Variants in PRAG1 observed in about 807,000 individuals in gnomAD.
PRAG1 encodes the protein PEAK1 related, kinase-activating pseudokinase 1, also known as inactive tyrosine-protein kinase PRAG1.
A neutral mutation model predicts 95.6 loss-of-function variants in PRAG1; 110 were observed. The ratio of observed to expected loss-of-function variants is 1.15; its 90% CI spans 0.99 to 1.35. The LOEUF is 1.35. Ranked by LOEUF, PRAG1 falls within the 40% of genes most tolerant of loss-of-function variation. PRAG1 has a pLI of 0.00. For synonymous variants in PRAG1, 1,052 were observed against 819.4 expected, an observed-to-expected ratio of 1.28 and a Z score of -4.85; for missense variants, 2,554 against 1,864.7, an observed-to-expected ratio of 1.37 and a Z score of -6.81.
chr8:8,341,689 G>T (rs1799167736), intron 3 of PRAG1, among the ~76,000 whole-genome samples: 1 of 152,134 alleles, frequency 6.6e-6, no homozygotes, highest in African/African-American at 2.4e-5. Context: ...TGCACATGTT[G>T]TATGAACTTA....
chr8:8,330,835 G>C (rs1250991564), intron 4 of PRAG1, among the ~76,000 whole-genome samples: 1 of 152,264 alleles, frequency 6.6e-6, no homozygotes, highest in Non-Finnish European at 1.5e-5. Flanking sequence ...AAGAGGCTGA[G>C]AGCAGGAGGA....
intron 4 of PRAG1, among the ~76,000 whole-genome samples, chr8:8,334,335 G>C (rs1798918402): frequency 6.6e-6 from 1 of 151,638 alleles, no homozygotes; most frequent in Admixed American, 6.6e-5. Context: ...TACTCAGAAG[G>C]CTGAGGCACA....
intron 5 of PRAG1, among the ~76,000 whole-genome samples, chr8:8,322,380 C>A (rs1798500671): frequency 6.6e-6 from 1 of 152,114 alleles, no homozygotes; most frequent in African/African-American, 2.4e-5. Context: ...CAGGGTTTCA[C>A]CATGTTGCCC....
intron 1 of PRAG1, among the ~76,000 whole-genome samples, chr8:8,385,210 G>C (rs1389623527): frequency 1.3e-5 from 2 of 152,192 alleles, no homozygotes; most frequent in Non-Finnish European, 2.9e-5. Context: ...TGTGTGGAAA[G>C]TGTCTGAACT....
chr8:8,344,085 T>C (rs1446718067), intron 3 of PRAG1, among the ~76,000 whole-genome samples: 5 of 152,352 alleles, frequency 3.3e-5, no homozygotes, highest in Admixed American at 1.3e-4. Context: ...ATGCATTTTA[T>C]ATTTACTCAC....
In PRAG1 at chr8:8,323,477, C is replaced by A. The variant is rs545131219; in HGVS notation, c.3073-4175G>T. On this transcript the variant is annotated intron_variant, in intron 5 of 5. Coordinates refer to ENST00000615670, the MANE Select transcript of PRAG1 (RefSeq NM_001080826.3). ...GGATTACAGGTGCCTACCACCACAC[C>A]TGACTAATTTTTGTATTGTTCATTT... 1.2e-4 allele frequency among the ~76,000 whole-genome samples: 18 copies of A among 152,234 alleles called. No homozygotes were observed. The South Asian group carries it at 3.5e-3, about 30-fold the overall frequency.
intron 3 of PRAG1, among the ~76,000 whole-genome samples, chr8:8,369,440 A>G (rs184920493): frequency 3.9e-5 from 6 of 152,318 alleles, no homozygotes; most frequent in Non-Finnish European, 8.8e-5. Context: ...ATCTGGTTTT[A>G]GGATACACTG....
chr8:8,378,159 G>A, intron 2 of PRAG1, 81 bp from the exon 3 acceptor site: 1 of 1,454,792 alleles, frequency 6.9e-7, no homozygotes, highest in South Asian at 1.4e-5. Flanking sequence ...GAGAGGGAAG[G>A]GCAACGATAC....
At position 8,377,153 on chromosome 8, in the gene PRAG1, C is replaced by T; in HGVS notation, c.1256G>A (p.Arg419Lys). 10 of 1,612,106 alleles carry T rather than the reference C, an allele frequency of 6.2e-6. No individual in the cohort carries two copies. Among genetic ancestry groups the T allele is most frequent in the Non-Finnish European group, 8.5e-6 (10 of 1,179,994 alleles). Residue 419 changes from arginine (R) to lysine (K), a missense_variant, in exon 3 of 6, where the codon AGG (arginine) becomes AAG (lysine). Coordinates refer to ENST00000615670, the MANE Select transcript of PRAG1 (RefSeq NM_001080826.3). ...PEPIYAESTK[R>K]KKAAPVPSKS... ...GGAAGGCACCGGAGCTGCCTTCTTC[C>T]TCTTGGTGCTCTCAGCATAGATGGG...
intron 3 of PRAG1, among the ~76,000 whole-genome samples, chr8:8,349,683 T>C (rs896343201): frequency 6.6e-6 from 1 of 152,140 alleles, no homozygotes; most frequent in Non-Finnish European, 1.5e-5. Flanking sequence ...AGGGCCAATC[T>C]TCTCTGGGGG....
At chr8:8,355,385 G>T (rs954322194) in intron 3 of PRAG1, among the ~76,000 whole-genome samples, 1 of 151,864 alleles carries the variant, frequency 6.6e-6, no homozygotes, top group Non-Finnish European at 1.5e-5. Flanking sequence ...AATTCCAAAG[G>T]CATTGTTCAC....
At chr8:8,329,863 C>T (rs527717585) in intron 4 of PRAG1, among the ~76,000 whole-genome samples, 3 of 152,300 alleles carry the variant, frequency 2.0e-5, no homozygotes, top group African/African-American at 7.2e-5. Context: ...CATTCATGCC[C>T]CAGCCTCAGT....
In PRAG1 at chr8:8,381,653, T is replaced by C. The variant is rs1800675437; in HGVS notation, c.95A>G (p.Asn32Ser). The change falls in exon 2 of 6, where the codon AAC (asparagine) becomes AGC (serine). Residue 32 changes from asparagine to serine, a missense_variant. By Grantham distance (46) the Asn-to-Ser change is conservative. Coordinates refer to ENST00000615670, the MANE Select transcript of PRAG1 (RefSeq NM_001080826.3). ...GTGGTCGCTCCGCAGGCAGAAGCAG[T>C]TCTTGCAGGACCCGGGTTTCCAGAT... ...EHIWKPGSCK[N>S]CFCLRSDHQL... is the part of the protein sequence containing the mutation. 3.7e-6 allele frequency: 6 copies of C among 1,613,748 alleles called. No individual in the cohort carries two copies. The African/African-American group carries it at 4.0e-5, about 11-fold the overall frequency.
chr8:8,381,057 G>A (rs998048870), intron 2 of PRAG1, among the ~76,000 whole-genome samples: 1 of 151,950 alleles, frequency 6.6e-6, no homozygotes, highest in African/African-American at 2.4e-5. Context: ...ATATTGAAGG[G>A]TATTGGGTGC....
At chr8:8,336,319 C>G (rs1418981266) in intron 4 of PRAG1, among the ~76,000 whole-genome samples, 1 of 152,188 alleles carries the variant, frequency 6.6e-6, no homozygotes, top group South Asian at 2.1e-4. Context: ...GCAAAAAGGT[C>G]TCTTGATGAC....
intron 3 of PRAG1, among the ~76,000 whole-genome samples, chr8:8,353,610 C>T (rs1204453301): frequency 6.6e-6 from 1 of 151,744 alleles, no homozygotes; most frequent in African/African-American, 2.4e-5. Flanking sequence ...AAGAAAGATC[C>T]CAAATAAATA....
chr8:8,361,109 G>C (rs142657055), intron 3 of PRAG1, among the ~76,000 whole-genome samples: 4 of 152,302 alleles, frequency 2.6e-5, no homozygotes, highest in African/African-American at 9.6e-5. Flanking sequence ...AGTAGCTTGA[G>C]TTCCTTTTTC....
chr8:8,369,185 G>T (rs1055166157), intron 3 of PRAG1, among the ~76,000 whole-genome samples: 1 of 151,232 alleles, frequency 6.6e-6, no homozygotes, highest in Non-Finnish European at 1.5e-5. Context: ...GTTCACTCTG[G>T]CTTGCTTTTT....
At chr8:8,384,545 C>G (rs1393634720) in intron 1 of PRAG1, among the ~76,000 whole-genome samples, 1 of 147,124 alleles carries the variant, frequency 6.8e-6, no homozygotes, top group Non-Finnish European at 1.5e-5. Context: ...GTCATTGACT[C>G]ACTGCATCCT....
Sources: gnomAD v4.1 joint callset for allele counts (sites outside exome capture counted in the v4.1 genomes callset) on GRCh38, gnomAD v4.1.1 for gene constraint, MANE v1.5 for transcripts, NCBI Gene and HGNC (gene_info 2026-07-23, HGNC 2026-07-21) for gene names.